Variants in FMO3 observed in about 807,000 individuals in gnomAD.
FMO3 encodes the protein flavin containing dimethylaniline monoxygenase 3, also known as flavin-containing monooxygenase 3.
FMO3 carries 40 observed loss-of-function variants against 39.4 expected under a neutral mutation model. The observed-to-expected ratio is 1.02, with a 90% CI of 0.79 to 1.32. The LOEUF is 1.32. FMO3 is among the 40% of genes most tolerant of loss of function. The pLI, the probability that FMO3 is intolerant of heterozygous loss-of-function variation, is 0.00. For synonymous variants in FMO3, 219 were observed against 228.8 expected (o/e 0.96, Z 0.39); for missense variants, 680 against 651.8 (o/e 1.04, Z -0.47).
chr1:171,096,159 AAT>A lies in FMO3; in HGVS notation c.132+3377_132+3378del, dbSNP rs1333703719. Among the ~76,000 whole-genome samples, 27 of 75,864 alleles carry A rather than the reference AAT, an allele frequency of 3.6e-4. 1 individual carries two copies. Among genetic ancestry groups the A allele is most frequent in the East Asian group, 3.8e-4 (1 of 2,630 alleles). The allele number at this position is 75,864 out of a possible 152,430, so 49.8% of individuals were successfully genotyped here. A position where few individuals can be genotyped will look rare whatever the true frequency, so the allele number is the denominator to read the frequency against. ...TTATTATATATTGATATGAATATAT[AAT>A]ATATATAATTATATATAATATATTA... On this transcript the variant is annotated intron_variant, in intron 2 of 8. Coordinates refer to ENST00000367755, the MANE Select transcript of FMO3 (RefSeq NM_001002294.3).
At chr1:171,101,989 C>T (rs1212180780) in intron 2 of FMO3, among the ~76,000 whole-genome samples, 2 of 152,012 alleles carry the variant, frequency 1.3e-5, no homozygotes. Context: ...ATTATCATCT[C>T]TTTAAACTTA....
intron 2 of FMO3, among the ~76,000 whole-genome samples, chr1:171,094,606 T>A (rs1383314163): frequency 1.3e-5 from 2 of 152,138 alleles, no homozygotes; most frequent in Non-Finnish European, 2.9e-5. Flanking sequence ...CTCTCTTGAG[T>A]TCATTTTTGT....
At chr1:171,097,888 A>T (rs1655180141) in intron 2 of FMO3, among the ~76,000 whole-genome samples, 1 of 152,160 alleles carries the variant, frequency 6.6e-6, no homozygotes, top group African/African-American at 2.4e-5. Context: ...CTGAATGGTA[A>T]TGCCTAGGTT....
chr1:171,103,003 A>T (rs1311395417), intron 2 of FMO3, among the ~76,000 whole-genome samples: 1 of 152,180 alleles, frequency 6.6e-6, no homozygotes, highest in Admixed American at 6.5e-5. Context: ...TTAATTTTTT[A>T]AAAATTAGGT....
chr1:171,108,027 T>C, intron 4 of FMO3, 52 bp from the exon 5 acceptor site: 1 of 1,601,516 alleles, frequency 6.2e-7, no homozygotes, highest in Non-Finnish European at 8.6e-7. Context: ...TGTTAAAGTC[T>C]TTGTTTAAAT....
At chr1:171,097,857 G>A (rs1373960591) in intron 2 of FMO3, among the ~76,000 whole-genome samples, 1 of 152,036 alleles carries the variant, frequency 6.6e-6, no homozygotes, top group East Asian at 1.9e-4. Context: ...TAGACATGAA[G>A]TCCTTGCCCG....
intron 1 of FMO3, among the ~76,000 whole-genome samples, chr1:171,092,384 T>G (rs1396114555): frequency 6.6e-6 from 1 of 151,928 alleles, no homozygotes; most frequent in East Asian, 1.9e-4. Flanking sequence ...CACACCCAGC[T>G]GATTTTGTTT....
Position 171,117,483 on chromosome 1 carries a change from C to T in FMO3, c.*41C>T, listed in dbSNP as rs143079250. The stretch of plus-strand genomic sequence containing the variant: ...GGATTTCTGAAAGTTACTGACAATA[C>T]CCAGACAGGGGCTTTGCTATTTAAA... On this transcript the variant is annotated 3_prime_UTR_variant, in exon 9 of 9. Transcript: ENST00000367755. The T allele has an allele frequency of 2.6e-6, 4 of 1,518,336 alleles. No homozygotes were observed. In the African/African-American group the frequency reaches 4.1e-5, roughly 16 times the overall value. 94.1% of individuals were successfully genotyped at this position (1,518,336 alleles called of 1,614,324 possible). A position where few individuals can be genotyped will look rare whatever the true frequency, so the allele number is the denominator to read the frequency against.
intron 3 of FMO3, among the ~76,000 whole-genome samples, chr1:171,104,227 A>G (rs1655540275): frequency 6.6e-6 from 1 of 152,188 alleles, no homozygotes; most frequent in Admixed American, 6.5e-5. Context: ...AAATAAATAT[A>G]AAATACCTGT....
chr1:171,110,213 C>T (rs1233585122), intron 5 of FMO3, among the ~76,000 whole-genome samples: 1 of 152,152 alleles, frequency 6.6e-6, no homozygotes, highest in Non-Finnish European at 1.5e-5. Context: ...CCAAATTTCT[C>T]ACCTTCTTTC....
chr1:171,116,985 AAG>A (rs1281021846), intron 8 of FMO3, 113 bp from the exon 9 acceptor site: 4 of 806,190 alleles, frequency 5.0e-6, no homozygotes, highest in Non-Finnish European at 6.5e-6. Flanking sequence ...TTTTTTTAGA[AAG>A]AGAGAGAGAT....
Position 171,117,525 on chromosome 1 carries a change from C to G in FMO3, c.*83C>G, listed in dbSNP as rs1656219461. The G allele has an allele frequency of 9.8e-7, 1 of 1,022,628 alleles. No individual in the cohort carries two copies. Among genetic ancestry groups the G allele is most frequent in the South Asian group, 1.4e-5 (1 of 71,760 alleles). 63.3% of individuals were successfully genotyped at this position (1,022,628 alleles called of 1,614,324 possible). On this transcript the variant is annotated 3_prime_UTR_variant, in exon 9 of 9. Transcript: ENST00000367755. ...CTATTTAAAAATTAAAATTTTCACACCACCTGCTTTTCTATTCAGCATCTT... is the reference window on the plus strand; with the variant it reads ...CTATTTAAAAATTAAAATTTTCACAGCACCTGCTTTTCTATTCAGCATCTT...
chr1:171,110,857 T>C lies in FMO3; in HGVS notation c.687T>C (p.Tyr229=), dbSNP rs1655874853. 1.9e-6 allele frequency: 3 copies of C among 1,614,034 alleles called. No individual in the cohort carries two copies. Among genetic ancestry groups the C allele is most frequent in the Non-Finnish European group, 2.5e-6 (3 of 1,179,958 alleles). The change falls in exon 6 of 9, where the codon TAT becomes TAC. Residue 229 remains tyrosine, a synonymous_variant. Coordinates refer to ENST00000367755, the MANE Select transcript of FMO3 (RefSeq NM_001002294.3). The part of the protein sequence containing the change: ...WVMSRVWDNG[Y]PWDMLLVTRF... ...TGAGCCGGGTCTGGGACAATGGTTA[T>C]CCTTGGGACATGCTGCTCGTCACTC...
At chr1:171,102,802 C>T (rs187785979) in intron 2 of FMO3, among the ~76,000 whole-genome samples, 42 of 152,280 alleles carry the variant, frequency 2.8e-4, no homozygotes, top group Admixed American at 2.6e-4. Context: ...CATCACTTAA[C>T]ATTTCCTCTA....
chr1:171,092,822 A>G, intron 2 of FMO3, 32 bp downstream of exon 2: 1 of 1,612,332 alleles, frequency 6.2e-7, no homozygotes, highest in East Asian at 2.2e-5. Flanking sequence ...TAGACAGGAA[A>G]ATAGGTTGGG....
At chr1:171,098,716 T>C (rs960501785) in intron 2 of FMO3, among the ~76,000 whole-genome samples, 1 of 152,204 alleles carries the variant, frequency 6.6e-6, no homozygotes, top group Non-Finnish European at 1.5e-5. Context: ...TTTCTAGATA[T>C]ACAATCATGT....
chr1:171,096,217 TATAA>T (rs1173456023), intron 2 of FMO3, among the ~76,000 whole-genome samples: 27 of 68,422 alleles, frequency 3.9e-4, no homozygotes, highest in African/African-American at 2.4e-3. Flanking sequence ...AATATTTATA[TATAA>T]ATACATAAAA....
chr1:171,091,514 A>G (rs7881612), intron 1 of FMO3, among the ~76,000 whole-genome samples: 3,964 of 152,146 alleles, frequency 0.026, 175 homozygotes, highest in African/African-American at 0.091. Context: ...AAAGTTAGGA[A>G]ACGTAATTTT....
intron 3 of FMO3, among the ~76,000 whole-genome samples, chr1:171,104,732 G>C (rs1197187234): frequency 6.6e-6 from 1 of 152,078 alleles, no homozygotes; most frequent in African/African-American, 2.4e-5. Flanking sequence ...AAATTAGCTG[G>C]ATGTGGTGGC....
Sources: allele counts gnomAD v4.1 joint callset (sites outside exome capture counted in the v4.1 genomes callset), GRCh38; gene constraint gnomAD v4.1.1; transcripts MANE v1.5; gene names NCBI Gene and HGNC (gene_info 2026-07-23, HGNC 2026-07-21).